Variants in B3GALT1 observed in about 807,000 individuals in gnomAD.
B3GALT1 encodes beta-1,3-galactosyltransferase 1.
In B3GALT1, 10 loss-of-function variants were observed where a neutral mutation model predicts 23.2. The observed-to-expected ratio is 0.43, with a 90% CI of 0.27 to 0.73. The LOEUF (loss-of-function observed/expected upper bound fraction) is 0.73. Ranked by LOEUF, B3GALT1 falls within the 30% of genes least tolerant of loss-of-function variation. B3GALT1 has a pLI of 0.21. For missense variants in B3GALT1, 299 were observed against 405.4 expected, an observed-to-expected ratio of 0.74 and a Z score of 2.25; for synonymous variants, 156 against 141.5, an observed-to-expected ratio of 1.10 and a Z score of -0.73.
intron 1 of B3GALT1, among the ~76,000 whole-genome samples, chr2:167,422,916 T>G (rs1197362133): frequency 6.6e-6 from 1 of 151,986 alleles, no homozygotes; most frequent in African/African-American, 2.4e-5. Flanking sequence ...TATCATGGGG[T>G]GAACTACTGA....
chr2:167,800,400 C>T (rs989785986), intron 3 of B3GALT1, among the ~76,000 whole-genome samples: 1 of 152,142 alleles, frequency 6.6e-6, no homozygotes, highest in Non-Finnish European at 1.5e-5. Flanking sequence ...GGAGGAAAAA[C>T]TCCCACCTGA....
rs183207021 is a variant in B3GALT1, at chr2:167,666,647, A to C, written c.-352+19681A>C. Among the ~76,000 whole-genome samples the C allele has an allele frequency of 6.7e-3, 1,022 of 152,160 alleles. 8 individuals are homozygous for C. The highest frequency in any genetic ancestry group is 1.0e-2 in the Non-Finnish European group (677 of 67,998). The stretch of plus-strand genomic sequence containing the variant: ...ATCTGGGTGCTCCTGTATTGGGTGC[A>C]TATATATTTGGGATAGTTAGCTCTT... On this transcript the variant is annotated intron_variant, in intron 3 of 4. Transcript: ENST00000392690.
chr2:167,466,889 T>G (rs1699355749), intron 1 of B3GALT1, among the ~76,000 whole-genome samples: 1 of 97,368 alleles, frequency 1.0e-5, no homozygotes, highest in Non-Finnish European at 2.1e-5. Flanking sequence ...ATTTTTTTTT[T>G]TTTTTTTTTT....
intron 1 of B3GALT1, among the ~76,000 whole-genome samples, chr2:167,425,853 C>A (rs2105304465): frequency 6.6e-6 from 1 of 152,264 alleles, no homozygotes; most frequent in Middle Eastern, 3.4e-3. Context: ...AAACCAGTGT[C>A]CATTGAATTT....
intron 1 of B3GALT1, among the ~76,000 whole-genome samples, chr2:167,383,277 T>C (rs539567968): frequency 6.6e-6 from 1 of 152,150 alleles, no homozygotes; most frequent in African/African-American, 2.4e-5. Flanking sequence ...GTGATTCAAT[T>C]CTGAGTAACT....
intron 2 of B3GALT1, among the ~76,000 whole-genome samples, chr2:167,526,001 G>T (rs777343341): frequency 4.0e-5 from 6 of 151,790 alleles, no homozygotes; most frequent in Non-Finnish European, 8.8e-5. Context: ...TTTATTTTCT[G>T]GTTCAAGATG....
At chr2:167,316,295 C>G (rs1164549393) in intron 1 of B3GALT1, among the ~76,000 whole-genome samples, 1 of 152,000 alleles carries the variant, frequency 6.6e-6, no homozygotes, top group Non-Finnish European at 1.5e-5. Flanking sequence ...ATTCAACTCA[C>G]AAAAACCTTT....
At chr2:167,867,638 A>G (rs973165754) in intron 4 of B3GALT1, among the ~76,000 whole-genome samples, 4 of 152,158 alleles carry the variant, frequency 2.6e-5, no homozygotes, top group African/African-American at 9.7e-5. Flanking sequence ...TATATTCCCA[A>G]TTAAATTATT....
chr2:167,745,694 T>C (rs987367528), intron 3 of B3GALT1, among the ~76,000 whole-genome samples: 2 of 152,214 alleles, frequency 1.3e-5, no homozygotes, highest in Non-Finnish European at 2.9e-5. Context: ...CTCTCTGTTA[T>C]GTTGAAAACC....
chr2:167,366,227 AT>A (rs1254153593), intron 1 of B3GALT1, among the ~76,000 whole-genome samples: 1 of 152,202 alleles, frequency 6.6e-6, no homozygotes, highest in Non-Finnish European at 1.5e-5. Context: ...TTAAAATTAT[AT>A]AGAAAATCAA....
At chr2:167,347,130 C>A (rs1303517163) in intron 1 of B3GALT1, among the ~76,000 whole-genome samples, 1 of 152,184 alleles carries the variant, frequency 6.6e-6, no homozygotes, top group East Asian at 1.9e-4. Flanking sequence ...AATAATTGTT[C>A]TAATCTTATG....
At chr2:167,606,283 C>G (rs1301683803) in intron 2 of B3GALT1, among the ~76,000 whole-genome samples, 1 of 152,088 alleles carries the variant, frequency 6.6e-6, no homozygotes, top group Non-Finnish European at 1.5e-5. Context: ...TGAAAGAAAC[C>G]TATGGGGGAA....
intron 1 of B3GALT1, among the ~76,000 whole-genome samples, chr2:167,295,158 A>G (rs1354107541): frequency 6.6e-6 from 1 of 152,176 alleles, no homozygotes; most frequent in Non-Finnish European, 1.5e-5. Context: ...GGTTTTCATC[A>G]CTTAATTGTT....
intron 2 of B3GALT1, among the ~76,000 whole-genome samples, chr2:167,582,826 T>C (rs1684512714): frequency 6.6e-6 from 1 of 152,190 alleles, no homozygotes; most frequent in South Asian, 2.1e-4. Context: ...ACCTCTCACA[T>C]CTAAATCAAG....
At chr2:167,778,336 TCCTTTTGTTTCCCTACCACCCAC>T (rs1688195926) in intron 3 of B3GALT1, among the ~76,000 whole-genome samples, 1 of 152,122 alleles carries the variant, frequency 6.6e-6, no homozygotes, top group African/African-American at 2.4e-5. Context: ...CATTTCAATT[TCCTTTTGTTTCCCTACCACCCAC>T]CCTATACCTT....
In B3GALT1 at chr2:167,512,558, A is replaced by ATATATATATG. The variant is rs60389556; in HGVS notation, c.-410+22291_-410+22300dup. 2.4e-3 allele frequency among the ~76,000 whole-genome samples: 204 copies of ATATATATATG among 85,570 alleles called. 3 individuals carry two copies. Among genetic ancestry groups the ATATATATATG allele is most frequent in the African/African-American group, 0.01 (193 of 18,916 alleles). 56.1% of individuals were successfully genotyped at this position (85,570 alleles called of 152,430 possible). A position where few individuals can be genotyped will look rare whatever the true frequency, so the allele number is the denominator to read the frequency against. ...TGTATATATATATGTATATATATGT[A>ATATATATATG]TATATATATGTATATATATATGTAT... On this transcript the variant is annotated intron_variant, in intron 2 of 4. Coordinates refer to ENST00000392690, the MANE Select transcript of B3GALT1 (RefSeq NM_020981.4).
intron 2 of B3GALT1, among the ~76,000 whole-genome samples, chr2:167,646,487 G>C (rs2105460073): frequency 6.6e-6 from 1 of 152,264 alleles, no homozygotes; most frequent in African/African-American, 2.4e-5. Flanking sequence ...CAATGTAGTT[G>C]CTTACATAGC....
chr2:167,636,623 G>GA (rs1685560454), intron 2 of B3GALT1, among the ~76,000 whole-genome samples: 1 of 152,102 alleles, frequency 6.6e-6, no homozygotes, highest in Non-Finnish European at 1.5e-5. Context: ...AAGAAAATGT[G>GA]ACATATATAC....
At chr2:167,442,883 G>C (rs1427922816) in intron 1 of B3GALT1, among the ~76,000 whole-genome samples, 8 of 139,860 alleles carry the variant, frequency 5.7e-5, no homozygotes, top group African/African-American at 1.4e-4. Flanking sequence ...AGTTTAATTA[G>C]ATCCCATTTG....
Sources: gnomAD v4.1 joint callset for allele counts (sites outside exome capture counted in the v4.1 genomes callset) on GRCh38, gnomAD v4.1.1 for gene constraint, MANE v1.5 for transcripts, NCBI Gene and HGNC (gene_info 2026-07-23, HGNC 2026-07-21) for gene names.